RBFOX1: variants seen among roughly 807,000 people sequenced by gnomAD.
RBFOX1 encodes the protein RNA binding fox-1 homolog 1.
A neutral mutation model predicts 57.7 loss-of-function variants in RBFOX1; 8 were observed. The observed-to-expected ratio is 0.14, with a 90% CI of 0.08 to 0.25. The LOEUF (loss-of-function observed/expected upper bound fraction) is 0.25. Ranked by LOEUF, RBFOX1 falls within the 10% of genes least tolerant of loss-of-function variation. The probability of loss-of-function intolerance (pLI) is 1.00; values close to 1 mark genes in which losing one functional copy is unlikely to be tolerated. For missense variants in RBFOX1, 611 were observed against 548.5 expected, an observed-to-expected ratio of 1.11 and a Z score of -1.14; for synonymous variants, 326 against 222.4, an observed-to-expected ratio of 1.47 and a Z score of -4.15.
intron 2 of RBFOX1, among the ~76,000 whole-genome samples, chr16:6,618,607 A>C (rs1242553636): frequency 6.6e-6 from 1 of 152,224 alleles, no homozygotes; most frequent in African/African-American, 2.4e-5. Context: ...GAATACAGAA[A>C]GGTAAAATCA....
chr16:5,418,357 G>A (rs1051089005), intron 1 of RBFOX1, among the ~76,000 whole-genome samples: 1 of 152,066 alleles, frequency 6.6e-6, no homozygotes, highest in African/African-American at 2.4e-5. Flanking sequence ...GGTCACAGGT[G>A]TCTGAGAAGA....
At chr16:7,530,224 A>G (rs1205782266) in intron 5 of RBFOX1, among the ~76,000 whole-genome samples, 1 of 152,142 alleles carries the variant, frequency 6.6e-6, no homozygotes, top group Non-Finnish European at 1.5e-5. Context: ...CACAGTGAGT[A>G]TCACAGCAGA....
intron 1 of RBFOX1, among the ~76,000 whole-genome samples, chr16:6,303,615 T>C (rs1190495435): frequency 1.3e-5 from 2 of 152,094 alleles, no homozygotes; most frequent in Non-Finnish European, 2.9e-5. Context: ...TTGTGTATTG[T>C]TGACACATTA....
chr16:6,738,091 AAAGTC>A (rs1456177782), intron 3 of RBFOX1, among the ~76,000 whole-genome samples: 1 of 152,032 alleles, frequency 6.6e-6, no homozygotes, highest in Non-Finnish European at 1.5e-5. Context: ...AAAAAAAAAA[AAAGTC>A]AGGCATTTTC....
intron 3 of RBFOX1, among the ~76,000 whole-genome samples, chr16:7,001,950 TC>T (rs1342822703): frequency 6.7e-6 from 1 of 150,062 alleles, no homozygotes; most frequent in Non-Finnish European, 1.5e-5. Context: ...TCCTGGAGTT[TC>T]TTCTTGTGCA....
At chr16:5,814,873 G>T (rs1008851984) in intron 3 of RBFOX1, among the ~76,000 whole-genome samples, 5 of 152,118 alleles carry the variant, frequency 3.3e-5, no homozygotes, top group Admixed American at 1.3e-4. Flanking sequence ...AGCTTGCAGT[G>T]AGCCGAGATT....
At chr16:5,786,662 C>G (rs993814008) in intron 3 of RBFOX1, among the ~76,000 whole-genome samples, 2 of 152,184 alleles carry the variant, frequency 1.3e-5, no homozygotes, top group African/African-American at 4.8e-5. Context: ...GCCCTCATCC[C>G]AAACCTGGAC....
intron 2 of RBFOX1, among the ~76,000 whole-genome samples, chr16:6,611,332 A>G (rs955217637): frequency 6.6e-6 from 1 of 152,164 alleles, no homozygotes; most frequent in Non-Finnish European, 1.5e-5. Context: ...TTTTTAGTAG[A>G]GACAGGGTTT....
At chr16:5,390,790 G>C (rs1341835787) in intron 1 of RBFOX1, among the ~76,000 whole-genome samples, 2 of 152,136 alleles carry the variant, frequency 1.3e-5, no homozygotes, top group African/African-American at 4.8e-5. Context: ...GTGGCTCAAA[G>C]CTGACTCGTC....
At chr16:5,739,625 A>T (rs2052704343) in intron 3 of RBFOX1, among the ~76,000 whole-genome samples, 1 of 152,256 alleles carries the variant, frequency 6.6e-6, no homozygotes, top group East Asian at 1.9e-4. Flanking sequence ...CAGCAGACAG[A>T]GACGGATGTT....
intron 2 of RBFOX1, among the ~76,000 whole-genome samples, chr16:6,539,012 CT>C (rs2153829551): frequency 6.6e-6 from 1 of 152,092 alleles, no homozygotes; most frequent in Admixed American, 6.5e-5. Context: ...GTTATTTTTA[CT>C]GTCTCATGTG....
At chr16:6,870,139 C>G (rs2060617091) in intron 3 of RBFOX1, among the ~76,000 whole-genome samples, 1 of 152,182 alleles carries the variant, frequency 6.6e-6, no homozygotes, top group South Asian at 2.1e-4. Flanking sequence ...CTTGGACCAC[C>G]TAGTTTTCAC....
At chr16:7,080,823 G>A (rs184195838) in intron 4 of RBFOX1, among the ~76,000 whole-genome samples, 1 of 152,082 alleles carries the variant, frequency 6.6e-6, no homozygotes, top group South Asian at 2.1e-4. Flanking sequence ...TGGCCTTTTC[G>A]CTGTCACTTT....
At chr16:7,569,360 C>T (rs1334202162) in intron 5 of RBFOX1, among the ~76,000 whole-genome samples, 2 of 152,098 alleles carry the variant, frequency 1.3e-5, no homozygotes, top group African/African-American at 4.8e-5. Flanking sequence ...CTTTCCTGGC[C>T]CCTGAAGGCC....
intron 4 of RBFOX1, among the ~76,000 whole-genome samples, chr16:7,481,343 T>G (rs906063684): frequency 7.2e-5 from 11 of 152,338 alleles, no homozygotes; most frequent in Admixed American, 7.2e-4. Context: ...CTGTAGATAT[T>G]GCTGTAGAAT....
At chr16:6,835,421 T>A (rs1323254729) in intron 3 of RBFOX1, among the ~76,000 whole-genome samples, 12 of 152,142 alleles carry the variant, frequency 7.9e-5, no homozygotes, top group Admixed American at 5.2e-4. Flanking sequence ...CAGAATCACA[T>A]TAACTTCCAA....
intron 5 of RBFOX1, among the ~76,000 whole-genome samples, chr16:7,564,453 A>C (rs12445509): frequency 0.17 from 25,135 of 143,936 alleles, 2,523 homozygotes; most frequent in South Asian, 0.3. Context: ...AGGCAGGGGA[A>C]TTGCTTGATC....
At position 7,238,314 on chromosome 16, in the gene RBFOX1, A is replaced by G. The variant is rs567682376; in HGVS notation, c.27+186216A>G. Among the ~76,000 whole-genome samples, 7 of 137,590 alleles carry G rather than the reference A, an allele frequency of 5.1e-5. No homozygotes were observed. In the South Asian group the frequency reaches 1.6e-3, roughly 32 times the overall value. 90.3% of individuals were successfully genotyped at this position (137,590 alleles called of 152,430 possible). ...AATGTACTTAACACTACTCAACTGC[A>G]GACTTAAAATGGTAAAAAAAAAATA... On this transcript the variant is annotated intron_variant, in intron 4 of 15. Coordinates refer to ENST00000550418, the MANE Select transcript of RBFOX1 (RefSeq NM_018723.4).
rs551072651 is a variant in RBFOX1, at chr16:6,963,519, G to A, written c.-15-88538G>A. Among the ~76,000 whole-genome samples the A allele has an allele frequency of 2.6e-5, 4 of 152,174 alleles. No individual in the cohort carries two copies. In the South Asian group the frequency reaches 8.3e-4, roughly 32 times the overall value. ...TTAGAGGATCTGATTTGTTTGCAAAGGAGTGAATGACTCACTTGCAATGTA... is the reference window on the plus strand; with the variant it reads ...TTAGAGGATCTGATTTGTTTGCAAAAGAGTGAATGACTCACTTGCAATGTA... On this transcript the variant is annotated intron_variant, in intron 3 of 15. Coordinates refer to ENST00000550418, the MANE Select transcript of RBFOX1 (RefSeq NM_018723.4).
Sources: gnomAD v4.1 joint callset for allele counts (sites outside exome capture counted in the v4.1 genomes callset) on GRCh38, gnomAD v4.1.1 for gene constraint, MANE v1.5 for transcripts, NCBI Gene and HGNC (gene_info 2026-07-23, HGNC 2026-07-21) for gene names.